The following KIAA1549L variants were observed in gnomAD, a reference collection of about 807,000 sequenced individuals.
KIAA1549L encodes the protein KIAA1549 like, also known as UPF0606 protein KIAA1549L.
In KIAA1549L, 88 loss-of-function variants were observed where a neutral mutation model predicts 160.7. That is an observed-to-expected ratio of 0.55 (90% CI 0.46 to 0.65). KIAA1549L has a LOEUF of 0.65. KIAA1549L is among the 30% of genes least tolerant of loss of function. The probability of loss-of-function intolerance (pLI) is 0.00; values close to 1 mark genes in which losing one functional copy is unlikely to be tolerated. For missense variants in KIAA1549L, 2,258 were observed against 2,437.5 expected, an observed-to-expected ratio of 0.93 and a Z score of 1.55; for synonymous variants, 950 against 976.7, an observed-to-expected ratio of 0.97 and a Z score of 0.51.
chr11:33,379,655 C>T (rs189141627), intron 1 of KIAA1549L, among the ~76,000 whole-genome samples: 39 of 152,288 alleles, frequency 2.6e-4, no homozygotes, highest in Admixed American at 6.5e-4. Flanking sequence ...CTCATCTGTT[C>T]ACGGGCAGCT....
chr11:33,606,843 G>A, intron 14 of KIAA1549L, 21 bp downstream of exon 14: 2 of 1,574,800 alleles, frequency 1.3e-6, no homozygotes, highest in South Asian at 1.2e-5. Context: ...GGAGACCCAG[G>A]GCAGGAGATG....
At chr11:33,482,714 C>T (rs1302242038) in intron 1 of KIAA1549L, among the ~76,000 whole-genome samples, 4 of 151,562 alleles carry the variant, frequency 2.6e-5, no homozygotes, top group African/African-American at 9.7e-5. Context: ...GGATTATAGG[C>T]ACGTGCCACC....
At chr11:33,591,624 G>GT (rs1206883202) in intron 12 of KIAA1549L, among the ~76,000 whole-genome samples, 2 of 152,230 alleles carry the variant, frequency 1.3e-5, no homozygotes, top group Non-Finnish European at 2.9e-5. Flanking sequence ...AAGGTTTTAT[G>GT]TCTCTGATAA....
At chr11:33,403,334 C>CACACACAT (rs1174717752) in intron 1 of KIAA1549L, 1 of 57,606 alleles carries the variant, frequency 1.7e-5, no homozygotes, top group Non-Finnish European at 4.1e-5. Context: ...CGGACACACA[C>CACACACAT]ATGCAGACAC....
rs542890185 is a variant in KIAA1549L at position 33,512,126 on chromosome 11, C to G, written c.239-29676C>G. On this transcript the variant is annotated intron_variant, in intron 1 of 20. Coordinates refer to ENST00000658780, the MANE Select transcript of KIAA1549L (RefSeq NM_012194.3). The stretch of plus-strand genomic sequence containing the variant: ...CTAATTTTAGCACTCTAGAGGGTCA[C>G]GTAAAATGTCAGTGGCCAGATTGTT... 8.5e-5 allele frequency among the ~76,000 whole-genome samples: 13 copies of G among 152,186 alleles called. No individual in the cohort carries two copies. In the South Asian group the frequency reaches 2.7e-3, roughly 32 times the overall value.
intron 1 of KIAA1549L, among the ~76,000 whole-genome samples, chr11:33,464,473 C>CGTGT (rs1565147863): frequency 2.7e-4 from 25 of 91,428 alleles, no homozygotes; most frequent in South Asian, 2.3e-3. Context: ...GCTGTGTGTG[C>CGTGT]ATGTGTGTGT....
intron 18 of KIAA1549L, 140 bp downstream of exon 18, chr11:33,656,249 C>A (rs760969432): frequency 1.5e-6 from 1 of 648,890 alleles, no homozygotes; most frequent in Admixed American, 2.4e-5. Context: ...GACAACCATG[C>A]GCCTGTGGCA....
In KIAA1549L at chr11:33,610,093, G is replaced by A. The variant is rs1289446447; in HGVS notation, c.5279+127G>A. On this transcript the variant is annotated intron_variant, in intron 15 of 20. Coordinates refer to ENST00000658780, the MANE Select transcript of KIAA1549L (RefSeq NM_012194.3). ...TGTGATCTTTGCAGTCCACTGATTTGTACCACGCTGGTCTGTGCAAGCAGG... is the reference window on the plus strand; with the variant it reads ...TGTGATCTTTGCAGTCCACTGATTTATACCACGCTGGTCTGTGCAAGCAGG... The A allele has an allele frequency of 5.8e-6, 4 of 691,954 alleles. No individual in the cohort carries two copies. The East Asian group carries it at 1.1e-4, about 19-fold the overall frequency. The allele number at this position is 691,954 out of a possible 1,614,324, so 42.9% of individuals were successfully genotyped here.
intron 16 of KIAA1549L, among the ~76,000 whole-genome samples, chr11:33,637,737 T>C (rs1851473791): frequency 6.6e-6 from 1 of 152,236 alleles, no homozygotes; most frequent in South Asian, 2.1e-4. Flanking sequence ...GGCTTCCCTT[T>C]GTACATGCTG....
In KIAA1549L at chr11:33,623,769, C is replaced by G. The variant is rs927175639; in HGVS notation, c.5409+5107C>G. Among the ~76,000 whole-genome samples the G allele has an allele frequency of 5.9e-5, 9 of 152,258 alleles. No homozygotes were observed. The Middle Eastern group carries it at 0.01, about 173-fold the overall frequency. ...AGGGGTTTCAGCATGGCCTAGTGAC[C>G]TCCTTCAGAGCCAGGCCTCCCCTGC... On this transcript the variant is annotated intron_variant, in intron 16 of 20. Coordinates refer to ENST00000658780, the MANE Select transcript of KIAA1549L (RefSeq NM_012194.3).
chr11:33,668,118 C>G lies in KIAA1549L; in HGVS notation c.6405C>G (p.Ala2135=), dbSNP rs1564951896. 1 of 1,613,342 alleles carries G rather than the reference C, an allele frequency of 6.2e-7. No homozygotes were observed. The highest frequency in any genetic ancestry group is 2.2e-5 in the East Asian group (1 of 44,872). Residue 2135 remains alanine, a synonymous_variant, in exon 21 of 21, where the codon GCC becomes GCG. Transcript: ENST00000658780. The part of the protein sequence containing the change: ...KAIREEVAKL[A]KKQTDMFEFQ... Reference sequence around the variant, plus strand: ...TCCGGGAGGAGGTGGCCAAGCTGGCCAAAAAACAGACAGACATGTTTGAGT... The same window carrying G: ...TCCGGGAGGAGGTGGCCAAGCTGGCGAAAAAACAGACAGACATGTTTGAGT...
At position 33,660,853 on chromosome 11, in the gene KIAA1549L, T is replaced by G; in HGVS notation, c.6008-10T>G. The G allele has an allele frequency of 6.2e-7, 1 of 1,613,336 alleles. No homozygotes were observed. ...CTCTTAACCTCCCTCCTCCATTTCC[T>G]CCATGCCAGGTAATACGGTGCCAGC... On this transcript the variant is annotated splice_polypyrimidine_tract_variant and intron_variant, in intron 19 of 20. Transcript: ENST00000658780.
At chr11:33,544,717 A>G in intron 2 of KIAA1549L, 50 bp from the exon 3 acceptor site, 1 of 1,539,642 alleles carries the variant, frequency 6.5e-7, no homozygotes. Context: ...AGAACAAGTG[A>G]CACGTGCATT....
intron 1 of KIAA1549L, among the ~76,000 whole-genome samples, chr11:33,499,168 C>T (rs1852888020): frequency 6.6e-6 from 1 of 152,172 alleles, no homozygotes; most frequent in African/African-American, 2.4e-5. Flanking sequence ...TTTTCTTCAT[C>T]CATCTTATAT....
chr11:33,391,046 A>G (rs1850263619), intron 1 of KIAA1549L, among the ~76,000 whole-genome samples: 1 of 152,222 alleles, frequency 6.6e-6, no homozygotes, highest in South Asian at 2.1e-4. Flanking sequence ...AATTATGTAA[A>G]AGGGAATAAG....
At chr11:33,500,267 A>C (rs1225514210) in intron 1 of KIAA1549L, among the ~76,000 whole-genome samples, 1 of 152,216 alleles carries the variant, frequency 6.6e-6, no homozygotes, top group East Asian at 1.9e-4. Flanking sequence ...CAGGATTTGA[A>C]TCTAGGACTT....
At chr11:33,525,964 T>C (rs972713200) in intron 1 of KIAA1549L, among the ~76,000 whole-genome samples, 1 of 152,138 alleles carries the variant, frequency 6.6e-6, no homozygotes, top group East Asian at 1.9e-4. Context: ...TTCCCCACAG[T>C]TGCTGCAGCA....
At chr11:33,470,677 G>A (rs1852160056) in intron 1 of KIAA1549L, among the ~76,000 whole-genome samples, 1 of 152,124 alleles carries the variant, frequency 6.6e-6, no homozygotes, top group Non-Finnish European at 1.5e-5. Flanking sequence ...TTGAGTTCAA[G>A]CAATCCACCT....
intron 1 of KIAA1549L, among the ~76,000 whole-genome samples, chr11:33,499,092 C>A (rs1852886524): frequency 6.6e-6 from 1 of 151,970 alleles, no homozygotes; most frequent in African/African-American, 2.4e-5. Context: ...GAATACAAAT[C>A]CCACTTGACA....
Sources: allele counts gnomAD v4.1 joint callset (sites outside exome capture counted in the v4.1 genomes callset), GRCh38; gene constraint gnomAD v4.1.1; transcripts MANE v1.5; gene names NCBI Gene and HGNC (gene_info 2026-07-23, HGNC 2026-07-21).